Variants in ZNF8 observed in about 807,000 individuals in gnomAD.
ZNF8 encodes the protein zinc finger protein 272.
ZNF8 carries 9 observed loss-of-function variants against 12.2 expected under a neutral mutation model. That is an observed-to-expected ratio of 0.73 (90% CI 0.44 to 1.28). The LOEUF (loss-of-function observed/expected upper bound fraction) is 1.28. ZNF8 is among the 50% of genes most tolerant of loss of function. ZNF8 has a pLI of 0.00. For synonymous variants in ZNF8, 274 were observed against 282.3 expected (o/e 0.97, Z 0.30); for missense variants, 664 against 729.1 (o/e 0.91, Z 1.03).
Position 58,294,097 on chromosome 19 carries a change from G to T in ZNF8, c.290-1G>T. Reference sequence around the variant, plus strand: ...TCAGAGATCTTTGGGTTTTCTTTCAGCCTGGGAGCCTCGATCTGAAAGCCA... The same window carrying T: ...TCAGAGATCTTTGGGTTTTCTTTCATCCTGGGAGCCTCGATCTGAAAGCCA... On this transcript the variant is annotated splice_acceptor_variant, in intron 3 of 3. Coordinates refer to ENST00000621650, the MANE Select transcript of ZNF8 (RefSeq NM_021089.3). LOFTEE classifies it high-confidence loss of function. This position sits in a 1 kb window ranked among gnomAD's most constrained non-coding sequence, Gnocchi z 5.5. The T allele has an allele frequency of 6.3e-7, 1 of 1,595,142 alleles. No individual in the cohort carries two copies. The highest frequency in any genetic ancestry group is 8.6e-7 in the Non-Finnish European group (1 of 1,167,332).
chr19:58,288,506 C>A (rs2051398311), intron 3 of ZNF8, among the ~76,000 whole-genome samples: 1 of 152,134 alleles, frequency 6.6e-6, no homozygotes, highest in African/African-American at 2.4e-5. Context: ...ATGTCACCTG[C>A]TGGGGTCTCT....
chr19:58,285,616 C>T (rs1304821859), intron 1 of ZNF8, 101 bp from the exon 2 acceptor site: 5 of 1,555,972 alleles, frequency 3.2e-6, no homozygotes, highest in Middle Eastern at 1.7e-4. Flanking sequence ...TGCAGTCTCT[C>T]GTGACACAGG....
At chr19:58,292,235 A>G (rs1181372782) in intron 3 of ZNF8, among the ~76,000 whole-genome samples, 1 of 152,106 alleles carries the variant, frequency 6.6e-6, no homozygotes, top group Non-Finnish European at 1.5e-5. Context: ...AGCTTGGGGT[A>G]CCGTGACAAA....
At position 58,286,100 on chromosome 19, in the gene ZNF8, C is replaced by G. The variant is rs749067286; in HGVS notation, c.194-10C>G. 12 of 1,613,170 alleles carry G rather than the reference C, an allele frequency of 7.4e-6. No individual in the cohort carries two copies. The Admixed American group carries it at 1.0e-4, about 13-fold the overall frequency. ...AGCCCCTCACCTCCTGTGTTTTTCC[C>G]CATTTCCAGGTCCTGAGCTTCCGAA... On this transcript the variant is annotated splice_polypyrimidine_tract_variant and intron_variant, in intron 2 of 3. Transcript: ENST00000621650.
intron 3 of ZNF8, among the ~76,000 whole-genome samples, chr19:58,290,131 T>TTTTTTTA (rs1260892347): frequency 6.9e-6 from 1 of 145,956 alleles, no homozygotes; most frequent in African/African-American, 2.5e-5. Context: ...TTTTTTTTTT[T>TTTTTTTA]GAGACGGAGT....
intron 3 of ZNF8, among the ~76,000 whole-genome samples, chr19:58,290,688 A>T (rs1423418017): frequency 1.3e-5 from 2 of 152,154 alleles, no homozygotes; most frequent in African/African-American, 4.8e-5. Flanking sequence ...TAAGCCCAGG[A>T]GTTCAAGGCT....
chr19:58,279,344 C>T lies in ZNF8; in HGVS notation c.66+197C>T, dbSNP rs1226238542. On this transcript the variant is annotated intron_variant, in intron 1 of 3. Coordinates refer to ENST00000621650, the MANE Select transcript of ZNF8 (RefSeq NM_021089.3). Reference sequence around the variant, plus strand: ...GGGGGCCGGGATTCCAACCAGGCGCCTGGCCCCCGAATGCGCATGCTCCAC... The same window carrying T: ...GGGGGCCGGGATTCCAACCAGGCGCTTGGCCCCCGAATGCGCATGCTCCAC... The T allele has an allele frequency of 5.4e-6, 8 of 1,473,386 alleles. No homozygotes were observed. In the East Asian group the frequency reaches 1.5e-4, roughly 28 times the overall value. The allele number at this position is 1,473,386 out of a possible 1,614,324, so 91.3% of individuals were successfully genotyped here.
rs1174691246 is a variant in ZNF8 at position 58,297,302 on chromosome 19, A to G, written c.*1766A>G. 2 of 152,328 alleles carry G rather than the reference A, an allele frequency of 1.3e-5. No individual in the cohort carries two copies. Among genetic ancestry groups the G allele is most frequent in the African/African-American group, 4.8e-5 (2 of 41,586 alleles). 9.4% of individuals were successfully genotyped at this position (152,328 alleles called of 1,614,324 possible). On this transcript the variant is annotated 3_prime_UTR_variant, in exon 4 of 4. Coordinates refer to ENST00000621650, the MANE Select transcript of ZNF8 (RefSeq NM_021089.3). ...AGGGCTGGACTAGACTAGAAATCAT[A>G]TAAGCTTGATTTTAACAGATGGCAT...
At chr19:58,286,019 G>A in intron 2 of ZNF8, 91 bp from the exon 3 acceptor site, 1 of 1,436,370 alleles carries the variant, frequency 7.0e-7, no homozygotes, top group Admixed American at 1.9e-5. Context: ...GTGCCCACGT[G>A]TCCTCACAGT....
Position 58,285,778 on chromosome 19 carries a change from A to G in ZNF8, c.128A>G (p.Asp43Gly). 1 of 1,614,008 alleles carries G rather than the reference A, an allele frequency of 6.2e-7. No individual in the cohort carries two copies. Among genetic ancestry groups the G allele is most frequent in the Non-Finnish European group, 8.5e-7 (1 of 1,179,996 alleles). ...DFTQEEWGQL[D>G]PTQRILYRDV... ...ACCCAGGAGGAATGGGGGCAGCTGG[A>G]CCCTACCCAGAGGATCCTCTACCGT... The change falls in exon 2 of 4, where the codon GAC (aspartate) becomes GGC (glycine). Residue 43 changes from aspartate (D) to glycine (G), a missense_variant. This residue lies in a region of ZNF8 where 306 missense variants were observed against 308.7 expected (regional missense o/e 0.99). Coordinates refer to ENST00000621650, the MANE Select transcript of ZNF8 (RefSeq NM_021089.3).
chr19:58,295,219 C>T lies in ZNF8; in HGVS notation c.1411C>T (p.Gln471Ter), dbSNP rs1026285345. The T allele has an allele frequency of 6.2e-7, 1 of 1,614,230 alleles. No individual in the cohort carries two copies. The change falls in exon 4 of 4, where the codon CAG becomes TAG. Residue 471 changes from glutamine (Q) to a stop codon, truncating the protein, a stop_gained. Coordinates refer to ENST00000621650, the MANE Select transcript of ZNF8 (RefSeq NM_021089.3). LOFTEE classifies it low-confidence loss of function (END_TRUNC). The stretch of plus-strand genomic sequence containing the variant: ...AAGCGACAGACCCTTCAAATGTAAT[C>T]AGTGTGGGAAGTGTTTCATTCAGAG... ...HRSDRPFKCN[Q>*]CGKCFIQSSH...
intron 1 of ZNF8, among the ~76,000 whole-genome samples, chr19:58,283,122 C>A (rs931190042): frequency 1.3e-5 from 2 of 151,754 alleles, no homozygotes; most frequent in Non-Finnish European, 2.9e-5. Context: ...GGACTACAGG[C>A]AGCCTGGCTA....
chr19:58,279,217 A>G, intron 1 of ZNF8, 70 bp downstream of exon 1: 2 of 1,537,660 alleles, frequency 1.3e-6, no homozygotes, highest in South Asian at 2.4e-5. Context: ...TGACCCTTTC[A>G]CCTCGCGGCG....
intron 3 of ZNF8, among the ~76,000 whole-genome samples, chr19:58,291,649 G>C (rs1428288261): frequency 6.6e-6 from 1 of 152,228 alleles, no homozygotes; most frequent in East Asian, 1.9e-4. Flanking sequence ...CCCTCACTCA[G>C]CATCTGGGAG....
chr19:58,279,375 T>C (rs2051328574), intron 1 of ZNF8: 1 of 1,457,532 alleles, frequency 6.9e-7, no homozygotes, highest in Non-Finnish European at 9.0e-7. Context: ...TCCACGCGGC[T>C]CTGTCCTCCC....
rs1343924843 is a variant in ZNF8, at chr19:58,294,840, G to C, written c.1032G>C (p.Gln344His). ...CTGGGGAGAAGCCCTATGAGTGTCAGGACTGTGGGAGGGCCTTCAACCAGA... is the reference window on the plus strand; with the variant it reads ...CTGGGGAGAAGCCCTATGAGTGTCACGACTGTGGGAGGGCCTTCAACCAGA... Reference protein sequence around the residue: ...IHTGEKPYECQDCGRAFNQNS... With the variant: ...IHTGEKPYECHDCGRAFNQNS... Residue 344 changes from glutamine to histidine, a missense_variant, in exon 4 of 4, where the codon CAG (glutamine) becomes CAC (histidine). Coordinates refer to ENST00000621650, the MANE Select transcript of ZNF8 (RefSeq NM_021089.3). The surrounding 1 kb of genome is among the most constrained non-coding windows in gnomAD (Gnocchi z 5.5). 1 of 1,613,884 alleles carries C rather than the reference G, an allele frequency of 6.2e-7. No homozygotes were observed. The highest frequency in any genetic ancestry group is 1.1e-5 in the South Asian group (1 of 91,074).
At chr19:58,286,028 G>T (rs906881520) in intron 2 of ZNF8, 82 bp from the exon 3 acceptor site, 3 of 1,490,326 alleles carry the variant, frequency 2.0e-6, no homozygotes, top group Non-Finnish European at 1.8e-6. Context: ...TGTCCTCACA[G>T]TCGGGAGTCT....
intron 3 of ZNF8, among the ~76,000 whole-genome samples, chr19:58,290,235 C>T (rs373957988): frequency 6.6e-6 from 1 of 151,176 alleles, no homozygotes; most frequent in African/African-American, 2.4e-5. Context: ...CTTAGCCTCC[C>T]GAGTAGCTGG....
rs921951559 is a variant in ZNF8 at position 58,302,193 on chromosome 19, C to A, written c.*6657C>A. 2.0e-4 allele frequency: 30 copies of A among 152,026 alleles called. No individual in the cohort carries two copies. Among genetic ancestry groups the A allele is most frequent in the African/African-American group, 7.2e-4 (30 of 41,414 alleles). 9.4% of individuals were successfully genotyped at this position (152,026 alleles called of 1,614,324 possible). On this transcript the variant is annotated 3_prime_UTR_variant, in exon 4 of 4. Coordinates refer to ENST00000621650, the MANE Select transcript of ZNF8 (RefSeq NM_021089.3). ...ATTTTGAAACAGATAAGAAACTCCT[C>A]CGTGGAAATTACTGTTAACTAGGGA...
Sources: allele counts gnomAD v4.1 joint callset (sites outside exome capture counted in the v4.1 genomes callset), GRCh38; gene constraint gnomAD v4.1.1; regional missense constraint gnomAD v4.1.1; non-coding constraint Gnocchi (gnomAD v3.1); transcripts MANE v1.5; gene names NCBI Gene and HGNC (gene_info 2026-07-23, HGNC 2026-07-21).